Variants in MGA observed in about 807,000 individuals in gnomAD.
MGA encodes MAX dimerization protein MGA.
A neutral mutation model predicts 261.1 loss-of-function variants in MGA; 40 were observed. The observed-to-expected ratio is 0.15, with a 90% confidence interval of 0.12 to 0.20. The LOEUF is 0.20. MGA is among the 10% of genes least tolerant of loss of function. MGA has a pLI of 1.00. For synonymous variants in MGA, 1,302 were observed against 1,290.6 expected (o/e 1.01, Z -0.19); for missense variants, 3,397 against 3,630.5 (o/e 0.94, Z 1.65).
chr15:41,700,189 C>T (rs1484598480), intron 5 of MGA, among the ~76,000 whole-genome samples: 3 of 151,930 alleles, frequency 2.0e-5, no homozygotes, highest in East Asian at 1.9e-4. Flanking sequence ...GGACTACAGG[C>T]GCCTGCTACC....
Position 41,713,082 on chromosome 15 carries a change from A to G in MGA, c.3085-69A>G, listed in dbSNP as rs1437308286. The G allele has an allele frequency of 1.9e-6, 3 of 1,563,044 alleles. No homozygotes were observed. In the South Asian group the frequency reaches 3.6e-5, roughly 19 times the overall value. On this transcript the variant is annotated intron_variant, in intron 8 of 23. Coordinates refer to ENST00000219905, the MANE Select transcript of MGA (RefSeq NM_001164273.2). ...ATCAGAGAGTAATGCAGTCCAGTAT[A>G]TGACCATAAGTTGGTGGTGGTGTAG... is the stretch of plus-strand genomic sequence containing the variant.
intron 10 of MGA, among the ~76,000 whole-genome samples, 191 bp downstream of exon 10, chr15:41,727,597 G>C (rs1289470900): frequency 1.3e-5 from 2 of 152,158 alleles, no homozygotes; most frequent in Non-Finnish European, 2.9e-5. Flanking sequence ...GTAGAAATGA[G>C]TAGTAGTAAT....
chr15:41,670,575 C>T (rs547060037), intron 2 of MGA, among the ~76,000 whole-genome samples: 42 of 152,088 alleles, frequency 2.8e-4, no homozygotes, highest in Admixed American at 9.8e-4. Context: ...GCATGATCTC[C>T]GCTCACTGCA....
chr15:41,682,642 G>A (rs552828827), intron 2 of MGA, among the ~76,000 whole-genome samples: 13 of 151,994 alleles, frequency 8.6e-5, no homozygotes, highest in Admixed American at 5.2e-4. Context: ...TTCCACGCCC[G>A]GCTAATTTTT....
chr15:41,669,888 T>A lies in MGA; in HGVS notation c.994T>A (p.Phe332Ile). ...GACTTCCCTTAATATAAAACGAGAC[T>A]TTCTTGGTTTCATGGATACTGATTC... is the stretch of plus-strand genomic sequence containing the variant. Residue 332 changes from phenylalanine (F) to isoleucine (I), a missense_variant, in exon 2 of 24, where the codon TTT (phenylalanine) becomes ATT (isoleucine). Around this residue, in one of 9 missense-constraint regions of MGA, gnomAD observed 563 missense variants for 563.6 expected, o/e 1.00. Coordinates refer to ENST00000219905, the MANE Select transcript of MGA (RefSeq NM_001164273.2). 6.2e-7 allele frequency: 1 copy of A among 1,614,004 alleles called. No individual in the cohort carries two copies. Among genetic ancestry groups the A allele is most frequent in the Non-Finnish European group, 8.5e-7 (1 of 1,179,886 alleles).
At chr15:41,708,998 A>T (rs2060251094) in intron 7 of MGA, among the ~76,000 whole-genome samples, 1 of 152,156 alleles carries the variant, frequency 6.6e-6, no homozygotes, top group Non-Finnish European at 1.5e-5. Context: ...TTTTCACAGT[A>T]TTTATAACAA....
At chr15:41,697,860 A>G (rs2059622184) in intron 3 of MGA, among the ~76,000 whole-genome samples, 1 of 151,914 alleles carries the variant, frequency 6.6e-6, no homozygotes, top group Non-Finnish European at 1.5e-5. Flanking sequence ...TTTTTATAGA[A>G]GCCCAGTCTT....
intron 18 of MGA, among the ~76,000 whole-genome samples, chr15:41,755,467 T>C (rs954924123): frequency 6.6e-6 from 1 of 152,242 alleles, no homozygotes; most frequent in Admixed American, 6.5e-5. Flanking sequence ...TAATGAGTTC[T>C]GTATACTAAA....
Position 41,766,214 on chromosome 15 carries a change from T to A in MGA, c.8132T>A (p.Val2711Glu). 1 of 1,613,852 alleles carries A rather than the reference T, an allele frequency of 6.2e-7. No individual in the cohort carries two copies. The highest frequency in any genetic ancestry group is 8.5e-7 in the Non-Finnish European group (1 of 1,179,844). The change falls in exon 24 of 24, where the codon GTG becomes GAG. Residue 2711 changes from valine (V) to glutamate (E), a missense_variant. Physicochemically the swap from Val to Glu is moderately radical, Grantham distance 121. Around this residue, in one of 9 missense-constraint regions of MGA, gnomAD observed 647 missense variants for 642.4 expected, o/e 1.01. Coordinates refer to ENST00000219905, the MANE Select transcript of MGA (RefSeq NM_001164273.2). ...TCCAGAGGAAACAGAGATGGCAGAG[T>A]GACGTTGGGTCCAACGCAGGTTTTT...
chr15:41,762,437 T>G, intron 22 of MGA, 75 bp downstream of exon 22: 4 of 884,796 alleles, frequency 4.5e-6, no homozygotes, highest in Non-Finnish European at 6.9e-6. Context: ...CACCTTCTCT[T>G]GTCCACATTT....
intron 1 of MGA, among the ~76,000 whole-genome samples, chr15:41,622,336 A>G (rs1450954488): frequency 6.6e-6 from 1 of 151,952 alleles, no homozygotes; most frequent in African/African-American, 2.4e-5. Flanking sequence ...CCTCACCTCA[A>G]TTTCATGCAG....
chr15:41,643,691 T>C (rs966811113), intron 1 of MGA, among the ~76,000 whole-genome samples: 2 of 152,142 alleles, frequency 1.3e-5, no homozygotes, highest in African/African-American at 4.8e-5. Flanking sequence ...GTGAATAATA[T>C]ACAAAAGGTT....
intron 9 of MGA, among the ~76,000 whole-genome samples, chr15:41,721,585 G>A (rs1323425507): frequency 1.3e-5 from 2 of 152,186 alleles, no homozygotes; most frequent in Non-Finnish European, 2.9e-5. Context: ...AGTTTTAGAA[G>A]CATTTCATAA....
At chr15:41,706,644 C>G (rs2060134024) in intron 5 of MGA, among the ~76,000 whole-genome samples, 1 of 142,370 alleles carries the variant, frequency 7.0e-6, no homozygotes, top group African/African-American at 2.6e-5. Flanking sequence ...GCAGTGGCAT[C>G]ATCTCGGCTC....
intron 2 of MGA, chr15:41,684,489 T>C (rs2058841967): frequency 4.9e-6 from 2 of 411,450 alleles, no homozygotes; most frequent in African/African-American, 4.2e-5. Context: ...AAGATTTCAT[T>C]CATCATGTAT....
chr15:41,704,658 AAAAAC>A (rs2060016887), intron 5 of MGA, among the ~76,000 whole-genome samples: 1 of 152,212 alleles, frequency 6.6e-6, no homozygotes, highest in South Asian at 2.1e-4. Flanking sequence ...ACTCCGTCTC[AAAAAC>A]AAAACAAAAC....
In MGA at chr15:41,749,426, A is replaced by G. The variant is rs1017695390; in HGVS notation, c.5819A>G (p.Gln1940Arg). ...GGTACAGCCAGTCTTATTCCTCTCC[A>G]GTCTGGTAGTTTTGCCTTGTTACAG... The change falls in exon 17 of 24, where the codon CAG becomes CGG. Residue 1940 changes from glutamine to arginine, a missense_variant. Coordinates refer to ENST00000219905, the MANE Select transcript of MGA (RefSeq NM_001164273.2). 3.7e-6 allele frequency: 6 copies of G among 1,614,000 alleles called. No individual in the cohort carries two copies. The highest frequency in any genetic ancestry group is 5.1e-6 in the Non-Finnish European group (6 of 1,179,882).
In MGA at chr15:41,625,083, C is replaced by T. The variant is rs758039447; in HGVS notation, c.-68+3785C>T. On this transcript the variant is annotated intron_variant, in intron 1 of 8. Transcript: ENST00000566718. ...ACTTGACCTCAGGAGTTCGAGGCTG[C>T]AATGAGCTGTGACGTGTCACTGCAC... 5.0e-4 allele frequency among the ~76,000 whole-genome samples: 76 copies of T among 152,042 alleles called. 1 individual carries two copies. Among genetic ancestry groups the T allele is most frequent in the Non-Finnish European group, 1.0e-4 (7 of 68,026 alleles).
intron 10 of MGA, among the ~76,000 whole-genome samples, chr15:41,727,858 G>A (rs888359316): frequency 1.3e-5 from 2 of 152,080 alleles, no homozygotes; most frequent in African/African-American, 4.8e-5. Flanking sequence ...ACTGAAGACT[G>A]GTAGGTAAAA....
Sources: allele counts gnomAD v4.1 joint callset (sites outside exome capture counted in the v4.1 genomes callset), GRCh38; gene constraint gnomAD v4.1.1; regional missense constraint gnomAD v4.1.1; transcripts MANE v1.5; gene names NCBI Gene and HGNC (gene_info 2026-07-23, HGNC 2026-07-21).